Variants in PCDHGA7 observed in about 807,000 individuals in gnomAD.
PCDHGA7 encodes protocadherin gamma subfamily A, 7, also known as protocadherin gamma-A7.
Under a neutral mutation model 58.3 loss-of-function variants are expected in PCDHGA7, and 44 were observed. The observed-to-expected ratio is 0.75, with a 90% CI of 0.59 to 0.97. PCDHGA7 has a LOEUF of 0.97. Among genes scored for constraint, PCDHGA7 ranks in the 50% least tolerant of loss-of-function variants. PCDHGA7 has a pLI of 0.00. For synonymous variants in PCDHGA7, 516 were observed against 504.2 expected (o/e 1.02, Z -0.31); for missense variants, 1,266 against 1,188.7 (o/e 1.06, Z -0.96).
chr5:141,409,862 G>A (rs1359567076), intron 1 of PCDHGA7: 19 of 1,612,352 alleles, frequency 1.2e-5, no homozygotes, highest in Non-Finnish European at 1.5e-5. Flanking sequence ...GTTGGTGGGA[G>A]ACCGCAATGA....
chr5:141,456,042 C>T (rs1437027249), intron 1 of PCDHGA7, among the ~76,000 whole-genome samples: 3 of 151,886 alleles, frequency 2.0e-5, no homozygotes, highest in Non-Finnish European at 2.9e-5. Flanking sequence ...GGACTACAGG[C>T]GCCCACCACC....
intron 1 of PCDHGA7, among the ~76,000 whole-genome samples, chr5:141,465,422 G>T (rs74711061): frequency 6.6e-6 from 1 of 152,142 alleles, no homozygotes; most frequent in Non-Finnish European, 1.5e-5. Context: ...AGCACTGAAA[G>T]GTGGGCACTT....
intron 1 of PCDHGA7, chr5:141,441,551 T>C (rs2098254450): frequency 5.4e-6 from 1 of 184,050 alleles, no homozygotes; most frequent in African/African-American, 2.4e-5. Flanking sequence ...GCCTCCATAG[T>C]GTGCAAGTAG....
intron 1 of PCDHGA7, among the ~76,000 whole-genome samples, chr5:141,445,961 G>T (rs944876169): frequency 1.3e-5 from 2 of 152,158 alleles, no homozygotes; most frequent in Non-Finnish European, 2.9e-5. Context: ...GCTATATGGA[G>T]AATTGATTTA....
Position 141,385,325 on chromosome 5 carries a change from T to C in PCDHGA7, c.2424+2T>C, listed in dbSNP as rs1781126490. On this transcript the variant is annotated splice_donor_variant, in intron 1 of 3. Coordinates refer to ENST00000518325, the MANE Select transcript of PCDHGA7 (RefSeq NM_018920.4). LOFTEE classifies it high-confidence loss of function. ...AAAGAAAACCTGCCAAGTATTCAGGTGAGCCCAGCCCTTCCTTTATTTCCA... is the reference window on the plus strand; with the variant it reads ...AAAGAAAACCTGCCAAGTATTCAGGCGAGCCCAGCCCTTCCTTTATTTCCA... 1.2e-6 allele frequency: 2 copies of C among 1,606,594 alleles called. No individual in the cohort carries two copies. Among genetic ancestry groups the C allele is most frequent in the Admixed American group, 3.4e-5 (2 of 59,568 alleles).
chr5:141,500,461 G>A (rs1343646600), intron 2 of PCDHGA7, among the ~76,000 whole-genome samples: 1 of 151,910 alleles, frequency 6.6e-6, no homozygotes, highest in Non-Finnish European at 1.5e-5. Flanking sequence ...CGCCCGCCTC[G>A]GCCTCCCAAA....
At chr5:141,418,343 A>G in intron 1 of PCDHGA7, 1 of 1,614,010 alleles carries the variant, frequency 6.2e-7, no homozygotes, top group Non-Finnish European at 8.5e-7. Flanking sequence ...AGATCCTGAT[A>G]TTAGTATGAA....
chr5:141,505,326 G>A, intron 2 of PCDHGA7, 67 bp from the exon 3 acceptor site: 2 of 1,607,648 alleles, frequency 1.2e-6, no homozygotes, highest in East Asian at 2.2e-5. Context: ...AGCCCTGGGA[G>A]AGGACAGGAG....
chr5:141,398,344 C>T (rs901692894), intron 1 of PCDHGA7: 2 of 1,372,186 alleles, frequency 1.5e-6, no homozygotes, highest in Non-Finnish European at 2.0e-6. Context: ...TTCGGAGAAG[C>T]CTTACTTCAC....
In PCDHGA7 at chr5:141,485,632, G is replaced by A. The variant is rs1335265010; in HGVS notation, c.2425-9175G>A. On this transcript the variant is annotated intron_variant, in intron 1 of 3. Transcript: ENST00000518325. This position sits in a 1 kb window ranked among gnomAD's most constrained non-coding sequence, Gnocchi z 5.7. ...CAGCTCCTCCAGGACAGCGTTTCCCGTTGGAAAAGGCTCAGGATGCAGATG... is the reference window on the plus strand; with the variant it reads ...CAGCTCCTCCAGGACAGCGTTTCCCATTGGAAAAGGCTCAGGATGCAGATG... 1.2e-6 allele frequency: 2 copies of A among 1,611,766 alleles called. No homozygotes were observed. The highest frequency in any genetic ancestry group is 1.7e-6 in the Non-Finnish European group (2 of 1,178,342).
At chr5:141,456,936 C>G (rs1012944904) in intron 1 of PCDHGA7, among the ~76,000 whole-genome samples, 20 of 152,190 alleles carry the variant, frequency 1.3e-4, no homozygotes, top group African/African-American at 4.3e-4. Context: ...GCACTCCAGC[C>G]TGGGCAACAG....
chr5:141,407,601 A>G (rs886898088), intron 1 of PCDHGA7, among the ~76,000 whole-genome samples: 3 of 152,168 alleles, frequency 2.0e-5, no homozygotes, highest in African/African-American at 7.2e-5. Flanking sequence ...CATCTTAAAA[A>G]GAAGCATTGG....
In PCDHGA7 at chr5:141,382,992, T is replaced by G; in HGVS notation, c.93T>G (p.Ile31Met). 2 of 1,613,578 alleles carry G rather than the reference T, an allele frequency of 1.2e-6. No individual in the cohort carries two copies. The highest frequency in any genetic ancestry group is 1.7e-6 in the Non-Finnish European group (2 of 1,179,768). The stretch of plus-strand genomic sequence containing the variant: ...CCTGGGAAGCCTGGGCAGGACGTAT[T>G]CTCTACTCCGTGTCGGAGGAGACGG... The part of the protein sequence containing the change: ...GTPWEAWAGR[I>M]LYSVSEETDK... The change falls in exon 1 of 4, where the codon ATT (isoleucine) becomes ATG (methionine). Residue 31 changes from isoleucine (I) to methionine (M), a missense_variant. Transcript: ENST00000518325.
At chr5:141,427,187 C>T (rs1318380362) in intron 1 of PCDHGA7, 1 of 456,574 alleles carries the variant, frequency 2.2e-6, no homozygotes, top group Middle Eastern at 3.3e-4. Flanking sequence ...AAATTAAATC[C>T]AAAGACTTAA....
At chr5:141,403,928 G>A in intron 1 of PCDHGA7, 1 of 1,613,876 alleles carries the variant, frequency 6.2e-7, no homozygotes, top group Non-Finnish European at 8.5e-7. Flanking sequence ...AGATGGTGGG[G>A]GATTGAAAGG....
intron 2 of PCDHGA7, among the ~76,000 whole-genome samples, chr5:141,497,290 C>A (rs182104163): frequency 4.7e-4 from 72 of 152,184 alleles, no homozygotes; most frequent in Middle Eastern, 3.4e-3. Flanking sequence ...CTCTACCTAC[C>A]ACCACCCCAG....
In PCDHGA7 at chr5:141,487,135, A is replaced by T; in HGVS notation, c.2425-7672A>T. 6.2e-7 allele frequency: 1 copy of T among 1,613,544 alleles called. No individual in the cohort carries two copies. The highest frequency in any genetic ancestry group is 8.5e-7 in the Non-Finnish European group (1 of 1,179,856). ...TGGTAAAGGATAGTGGTAGTCCACC[A>T]CTCTCTACCTCTGTTACTCTCTTAG... On this transcript the variant is annotated intron_variant, in intron 1 of 3. Transcript: ENST00000518325. The surrounding 1 kb of genome is among the most constrained non-coding windows in gnomAD (Gnocchi z 5.0).
chr5:141,481,030 C>A (rs1277171839), intron 1 of PCDHGA7, among the ~76,000 whole-genome samples: 1 of 152,024 alleles, frequency 6.6e-6, no homozygotes, highest in African/African-American at 2.4e-5. Context: ...TGCACTCCAG[C>A]CTGGGCGACA....
At chr5:141,393,592 G>A (rs200863279) in intron 1 of PCDHGA7, 127 of 1,613,790 alleles carry the variant, frequency 7.9e-5, no homozygotes, top group Non-Finnish European at 1.0e-4. Context: ...CCAGGCACGC[G>A]GCTGCTTACT....
Sources: allele counts gnomAD v4.1 joint callset (sites outside exome capture counted in the v4.1 genomes callset), GRCh38; gene constraint gnomAD v4.1.1; non-coding constraint Gnocchi (gnomAD v3.1); transcripts MANE v1.5; gene names NCBI Gene and HGNC (gene_info 2026-07-23, HGNC 2026-07-21).